Variants in FGGY observed in about 807,000 individuals in gnomAD.
FGGY encodes FGGY carbohydrate kinase domain containing.
FGGY carries 72 observed loss-of-function variants against 71.3 expected under a neutral mutation model. The ratio of observed to expected loss-of-function variants is 1.01; its 90% CI spans 0.84 to 1.23. The LOEUF (loss-of-function observed/expected upper bound fraction) is 1.23. FGGY is among the 50% of genes most tolerant of loss of function. The probability of loss-of-function intolerance (pLI) is 0.00; values close to 1 mark genes in which losing one functional copy is unlikely to be tolerated. For synonymous variants in FGGY, 251 were observed against 250.3 expected, an observed-to-expected ratio of 1.00 and a Z score of -0.02; for missense variants, 668 against 682.3, an observed-to-expected ratio of 0.98 and a Z score of 0.23.
chr1:59,624,104 T>C (rs2096834985), intron 9 of FGGY, among the ~76,000 whole-genome samples: 1 of 142,676 alleles, frequency 7.0e-6, no homozygotes, highest in Non-Finnish European at 1.5e-5. Context: ...CTGAAGGAGA[T>C]AAATATTCAA....
chr1:59,707,402 G>C (rs368895645), intron 14 of FGGY, among the ~76,000 whole-genome samples: 1 of 152,176 alleles, frequency 6.6e-6, no homozygotes, highest in East Asian at 1.9e-4. Flanking sequence ...TGTAGGAGGA[G>C]GGGGAGAGAG....
chr1:59,464,472 A>G (rs1263104338), intron 6 of FGGY, among the ~76,000 whole-genome samples: 1 of 152,240 alleles, frequency 6.6e-6, no homozygotes, highest in Non-Finnish European at 1.5e-5. Context: ...AAGCAAGGGC[A>G]AACACATTCA....
intron 4 of FGGY, among the ~76,000 whole-genome samples, chr1:59,378,499 A>G (rs941391149): frequency 3.3e-5 from 5 of 152,110 alleles, no homozygotes; most frequent in Admixed American, 1.3e-4. Flanking sequence ...ACAGCTTTCT[A>G]TCCTTCCAGG....
chr1:59,523,289 C>T (rs1326897415), intron 7 of FGGY, among the ~76,000 whole-genome samples: 1 of 152,214 alleles, frequency 6.6e-6, no homozygotes, highest in East Asian at 1.9e-4. Context: ...ACAGATAGTG[C>T]TTCACATCCA....
At chr1:59,302,231 A>G (rs781412546) in intron 1 of FGGY, among the ~76,000 whole-genome samples, 1 of 151,898 alleles carries the variant, frequency 6.6e-6, no homozygotes, top group Non-Finnish European at 1.5e-5. Flanking sequence ...ATATTGATCT[A>G]TAGTTTTCTT....
intron 8 of FGGY, among the ~76,000 whole-genome samples, chr1:59,584,775 C>T (rs1571639609): frequency 6.7e-6 from 1 of 150,012 alleles, no homozygotes; most frequent in African/African-American, 2.5e-5. Context: ...AAAACCCCAT[C>T]ATCTCAGCCC....
intron 14 of FGGY, among the ~76,000 whole-genome samples, chr1:59,681,803 C>T (rs957218629): frequency 1.2e-5 from 1 of 83,186 alleles, no homozygotes; most frequent in African/African-American, 3.7e-5. Flanking sequence ...CACACACACA[C>T]ATGCACACAC....
intron 4 of FGGY, among the ~76,000 whole-genome samples, chr1:59,360,412 C>T (rs562450120): frequency 6.6e-6 from 1 of 152,132 alleles, no homozygotes; most frequent in Non-Finnish European, 1.5e-5. Flanking sequence ...AATCACTGTA[C>T]AAGTATTTAT....
chr1:59,526,668 G>T (rs2153657385), intron 7 of FGGY, among the ~76,000 whole-genome samples: 1 of 152,362 alleles, frequency 6.6e-6, no homozygotes, highest in Non-Finnish European at 1.5e-5. Flanking sequence ...AGTAGAATGT[G>T]CAGAGGCTCA....
intron 4 of FGGY, 89 bp downstream of exon 4, chr1:59,346,487 A>C: frequency 6.9e-7 from 1 of 1,452,598 alleles, no homozygotes; most frequent in Non-Finnish European, 9.3e-7. Flanking sequence ...CCCTGCTAAA[A>C]TCGGTTATGT....
At chr1:59,351,576 C>T (rs1027435741) in intron 4 of FGGY, among the ~76,000 whole-genome samples, 4 of 152,118 alleles carry the variant, frequency 2.6e-5, no homozygotes, top group Admixed American at 2.6e-4. Flanking sequence ...ATGTCTTGGT[C>T]CTTAACCAAA....
intron 5 of FGGY, among the ~76,000 whole-genome samples, chr1:59,428,624 T>A (rs2066797147): frequency 6.6e-6 from 1 of 152,232 alleles, no homozygotes; most frequent in African/African-American, 2.4e-5. Flanking sequence ...TCTGTCAGTC[T>A]CAGTTATCTT....
intron 14 of FGGY, among the ~76,000 whole-genome samples, chr1:59,739,143 C>T (rs1440041083): frequency 6.6e-6 from 1 of 152,192 alleles, no homozygotes; most frequent in African/African-American, 2.4e-5. Context: ...TGTACATTTG[C>T]CATGAGCACC....
At chr1:59,671,934 C>T (rs1260324483) in intron 13 of FGGY, among the ~76,000 whole-genome samples, 1 of 152,142 alleles carries the variant, frequency 6.6e-6, no homozygotes, top group Non-Finnish European at 1.5e-5. Flanking sequence ...ACTCACATCT[C>T]TGGTTCGCAA....
chr1:59,730,307 C>CTTTTTTTTTTTT (rs35424239), intron 14 of FGGY, among the ~76,000 whole-genome samples: 1 of 139,186 alleles, frequency 7.2e-6, no homozygotes, highest in Non-Finnish European at 1.6e-5. Context: ...AGTTTCTTAG[C>CTTTTTTTTTTTT]TTTTTTTTTT....
chr1:59,469,960 T>C (rs1175470823), intron 6 of FGGY, among the ~76,000 whole-genome samples: 2 of 152,226 alleles, frequency 1.3e-5, no homozygotes, highest in Non-Finnish European at 2.9e-5. Flanking sequence ...TAATAGTCCA[T>C]GGTGTACATG....
chr1:59,304,877 A>G (rs1045534275), intron 1 of FGGY, among the ~76,000 whole-genome samples: 4 of 152,228 alleles, frequency 2.6e-5, no homozygotes, highest in Non-Finnish European at 5.9e-5. Context: ...TTGTTAGTGA[A>G]TAGAAATGCG....
intron 6 of FGGY, among the ~76,000 whole-genome samples, chr1:59,480,231 G>A (rs2093420662): frequency 6.6e-6 from 1 of 151,988 alleles, no homozygotes; most frequent in African/African-American, 2.4e-5. Context: ...TGCTTTTAGG[G>A]CAAAAACCAA....
chr1:59,317,231 G>T (rs1484834795), intron 1 of FGGY, among the ~76,000 whole-genome samples: 4 of 152,180 alleles, frequency 2.6e-5, no homozygotes, highest in Admixed American at 6.5e-5. Flanking sequence ...GTAATCAAAG[G>T]GTTTGGCTTT....
Sources: allele counts gnomAD v4.1 joint callset (sites outside exome capture counted in the v4.1 genomes callset), GRCh38; gene constraint gnomAD v4.1.1; transcripts MANE v1.5; gene names NCBI Gene and HGNC (gene_info 2026-07-23, HGNC 2026-07-21).